OXR1: variants seen among roughly 807,000 people sequenced by gnomAD.
The protein encoded by OXR1 is oxidation resistance protein 1.
In OXR1, 41 loss-of-function variants were observed where a neutral mutation model predicts 104.6. That is an observed-to-expected ratio of 0.39 (90% CI 0.31 to 0.51). The LOEUF (loss-of-function observed/expected upper bound fraction) is 0.51. Among genes scored for constraint, OXR1 ranks in the 20% least tolerant of loss-of-function variants. The pLI is 0.77. For synonymous variants in OXR1, 348 were observed against 348.4 expected (o/e 1.00, Z 0.01); for missense variants, 955 against 1,031.9 (o/e 0.93, Z 1.02).
At chr8:106,482,528 A>G (rs1489938570) in intron 2 of OXR1, among the ~76,000 whole-genome samples, 1 of 152,024 alleles carries the variant, frequency 6.6e-6, no homozygotes, top group Non-Finnish European at 1.5e-5. Context: ...AATGGAGTTT[A>G]AAAAATACCT....
At chr8:106,749,519 A>G (rs1835697375) in intron 16 of OXR1, among the ~76,000 whole-genome samples, 1 of 152,144 alleles carries the variant, frequency 6.6e-6, no homozygotes. Context: ...GTTTTAATAT[A>G]ATTGACAAAC....
Position 106,518,962 on chromosome 8 carries a change from T to C in OXR1, c.43T>C (p.Ser15Pro). The change falls in exon 3 of 17, where the codon TCG becomes CCG. Residue 15 changes from serine (S) to proline (P), a missense_variant. Physicochemically the swap from Ser to Pro is moderately conservative, Grantham distance 74. Transcript: ENST00000517566. The part of the protein sequence containing the change: ...NLSWLKKKSQ[S>P]VDINAPGFNP... Reference sequence around the variant, plus strand: ...TTGTAGGCTGAAGAAAAAGTCCCAGTCGGTGGATATTAATGCTCCAGGGTT... The same window carrying C: ...TTGTAGGCTGAAGAAAAAGTCCCAGCCGGTGGATATTAATGCTCCAGGGTT... The C allele has an allele frequency of 6.4e-7, 1 of 1,551,088 alleles. No homozygotes were observed. The highest frequency in any genetic ancestry group is 2.4e-5 in the East Asian group (1 of 40,904).
In OXR1 at chr8:106,551,791, T is replaced by C. The variant is rs1563599450; in HGVS notation, c.220+32652T>C. ...AGTGAGACCCTGTCTCCACTATACA[T>C]ATATATATATATATATATATATACA... On this transcript the variant is annotated intron_variant, in intron 3 of 16. Transcript: ENST00000517566. Among the ~76,000 whole-genome samples the C allele has an allele frequency of 3.8e-5, 3 of 79,718 alleles. No homozygotes were observed. In the East Asian group the frequency reaches 1.6e-3, roughly 44 times the overall value. 52.3% of individuals were successfully genotyped at this position (79,718 alleles called of 152,430 possible).
intron 3 of OXR1, among the ~76,000 whole-genome samples, chr8:106,618,611 A>C (rs1821432793): frequency 6.6e-6 from 1 of 152,326 alleles, no homozygotes; most frequent in South Asian, 2.1e-4. Context: ...AACATTTGTC[A>C]GTAAGATTTC....
intron 2 of OXR1, among the ~76,000 whole-genome samples, chr8:106,369,380 G>A (rs1338535135): frequency 6.6e-6 from 1 of 152,104 alleles, no homozygotes; most frequent in Non-Finnish European, 1.5e-5. Flanking sequence ...TTATTTTGCT[G>A]TGTAGAAGCT....
intron 15 of OXR1, among the ~76,000 whole-genome samples, chr8:106,743,147 A>T (rs1462222913): frequency 1.3e-5 from 2 of 152,154 alleles, no homozygotes; most frequent in Non-Finnish European, 2.9e-5. Context: ...AAAAGAAGAC[A>T]TACATGTGGC....
intron 2 of OXR1, chr8:106,447,864 G>T: frequency 5.5e-6 from 8 of 1,458,964 alleles, no homozygotes; most frequent in Non-Finnish European, 6.3e-6. Flanking sequence ...TTAGATGTTG[G>T]TCTGATACTA....
chr8:106,307,784 A>G (rs1813524627), intron 1 of OXR1, among the ~76,000 whole-genome samples: 1 of 152,148 alleles, frequency 6.6e-6, no homozygotes, highest in Non-Finnish European at 1.5e-5. Flanking sequence ...TAAGTGTCGA[A>G]TTCTAAATCT....
intron 14 of OXR1, 126 bp from the exon 15 acceptor site, chr8:106,742,093 TAAG>T: frequency 1.6e-6 from 1 of 607,974 alleles, no homozygotes; most frequent in Admixed American, 3.6e-5. Context: ...TTTCCCTTTT[TAAG>T]TATGATTAGA....
chr8:106,453,879 G>GA (rs1820460139), intron 2 of OXR1, among the ~76,000 whole-genome samples: 1 of 42,070 alleles, frequency 2.4e-5, no homozygotes, highest in African/African-American at 4.9e-4. Flanking sequence ...CTAAGATGGT[G>GA]TGATCAGAAA....
intron 2 of OXR1, among the ~76,000 whole-genome samples, chr8:106,381,592 C>G (rs1817151276): frequency 6.6e-6 from 1 of 152,104 alleles, no homozygotes; most frequent in African/African-American, 2.4e-5. Flanking sequence ...GATGTGGGAT[C>G]TAAACACACA....
Position 106,487,047 on chromosome 8 carries a change from A to T in OXR1, c.24-31896A>T, listed in dbSNP as rs888875032. ...TTTTTTTTTTTTTTTTTTTTGAGAC[A>T]GTGTCTCACTCTGTCACCCAGGCTG... On this transcript the variant is annotated intron_variant, in intron 2 of 16. Coordinates refer to ENST00000517566, the MANE Select transcript of OXR1 (RefSeq NM_001198533.2). 6.4e-5 allele frequency among the ~76,000 whole-genome samples: 9 copies of T among 140,624 alleles called. No individual in the cohort carries two copies. In the South Asian group the frequency reaches 2.0e-3, roughly 31 times the overall value. The allele number at this position is 140,624 out of a possible 152,430, so 92.3% of individuals were successfully genotyped here. A position where few individuals can be genotyped will look rare whatever the true frequency, so the allele number is the denominator to read the frequency against.
chr8:106,422,484 T>C (rs574518989), intron 2 of OXR1, among the ~76,000 whole-genome samples: 2 of 152,202 alleles, frequency 1.3e-5, no homozygotes, highest in South Asian at 2.1e-4. Flanking sequence ...TTGCTTATTA[T>C]TCATTATACT....
intron 2 of OXR1, among the ~76,000 whole-genome samples, chr8:106,488,982 G>A (rs974200126): frequency 6.7e-5 from 10 of 150,256 alleles, no homozygotes; most frequent in African/African-American, 1.5e-4. Context: ...TAGCTTGATA[G>A]GGATGGCATT....
At chr8:106,544,558 C>T (rs1015566468) in intron 3 of OXR1, among the ~76,000 whole-genome samples, 1 of 152,160 alleles carries the variant, frequency 6.6e-6, no homozygotes, top group African/African-American at 2.4e-5. Context: ...GAGCAATGCT[C>T]TTCTTGTGAT....
chr8:106,685,165 C>A (rs964504133), intron 6 of OXR1, among the ~76,000 whole-genome samples: 1 of 152,058 alleles, frequency 6.6e-6, no homozygotes, highest in Non-Finnish European at 1.5e-5. Flanking sequence ...TTGTTGTCAT[C>A]ATTGATAAGA....
At chr8:106,594,794 C>A (rs572751543) in intron 3 of OXR1, among the ~76,000 whole-genome samples, 1 of 152,282 alleles carries the variant, frequency 6.6e-6, no homozygotes, top group African/African-American at 2.4e-5. Context: ...TGAACCAGAG[C>A]CGGGCTCTCC....
At chr8:106,338,884 CTCTT>C (rs1172198351) in intron 1 of OXR1, among the ~76,000 whole-genome samples, 9 of 152,220 alleles carry the variant, frequency 5.9e-5, no homozygotes, top group South Asian at 2.1e-4. Context: ...CACTCTCTCT[CTCTT>C]TAATTTACCC....
chr8:106,274,958 A>T (rs1379525778), intron 1 of OXR1, among the ~76,000 whole-genome samples: 1 of 152,234 alleles, frequency 6.6e-6, no homozygotes, highest in African/African-American at 2.4e-5. Context: ...TAAATTCAAT[A>T]AGCATTTGTA....
Sources: gnomAD v4.1 joint callset for allele counts (sites outside exome capture counted in the v4.1 genomes callset) on GRCh38, gnomAD v4.1.1 for gene constraint, MANE v1.5 for transcripts, NCBI Gene and HGNC (gene_info 2026-07-23, HGNC 2026-07-21) for gene names.